CSMD3: variants seen among roughly 807,000 people sequenced by gnomAD.
The protein encoded by CSMD3 is CUB and Sushi multiple domains 3, also known as CUB and sushi domain-containing protein 3.
Under a neutral mutation model 435.2 loss-of-function variants are expected in CSMD3, and 177 were observed. The observed-to-expected ratio is 0.41, with a 90% CI of 0.36 to 0.46. The LOEUF (loss-of-function observed/expected upper bound fraction) is 0.46, where lower values mean the gene tolerates loss of function less well. Ranked by LOEUF, CSMD3 falls within the 20% of genes least tolerant of loss-of-function variation. The pLI, the probability that CSMD3 is intolerant of heterozygous loss-of-function variation, is 0.34. For synonymous variants in CSMD3, 1,656 were observed against 1,520.5 expected (o/e 1.09, Z -2.07); for missense variants, 4,265 against 4,504.6 (o/e 0.95, Z 1.52).
chr8:112,228,561 T>C (rs1448198989), intron 70 of CSMD3, among the ~76,000 whole-genome samples, 195 bp downstream of exon 70: 1 of 152,338 alleles, frequency 6.6e-6, no homozygotes, highest in Admixed American at 6.5e-5. Context: ...AACAGAGCAC[T>C]TTTGTTATGT....
chr8:113,376,113 T>G (rs2094380977), intron 1 of CSMD3, among the ~76,000 whole-genome samples: 1 of 152,180 alleles, frequency 6.6e-6, no homozygotes, highest in Admixed American at 6.5e-5. Flanking sequence ...ACTCAATGTC[T>G]TTCATGAATC....
chr8:113,174,693 T>C (rs2092321080), intron 3 of CSMD3, among the ~76,000 whole-genome samples: 1 of 151,864 alleles, frequency 6.6e-6, no homozygotes, highest in Non-Finnish European at 1.5e-5. Context: ...TTTTTGAAAA[T>C]AGCAGAACTT....
At chr8:112,258,445 C>A (rs1312557532) in intron 61 of CSMD3, among the ~76,000 whole-genome samples, 1 of 152,150 alleles carries the variant, frequency 6.6e-6, no homozygotes, top group East Asian at 1.9e-4. Context: ...AAAAAACCAA[C>A]CCCATCAAAA....
chr8:113,218,643 C>G (rs539765909), intron 3 of CSMD3, among the ~76,000 whole-genome samples: 1 of 151,184 alleles, frequency 6.6e-6, no homozygotes, highest in East Asian at 1.9e-4. Flanking sequence ...AATACATTTT[C>G]ACAATGAGAA....
At chr8:112,985,713 A>G (rs1169794224) in intron 6 of CSMD3, among the ~76,000 whole-genome samples, 1 of 152,118 alleles carries the variant, frequency 6.6e-6, no homozygotes, top group African/African-American at 2.4e-5. Flanking sequence ...TGGTGGCATT[A>G]GATTCTTATA....
chr8:113,281,276 C>A (rs1333187421), intron 2 of CSMD3, among the ~76,000 whole-genome samples: 2 of 151,528 alleles, frequency 1.3e-5, no homozygotes, highest in African/African-American at 4.8e-5. Context: ...GTTGAAGTCC[C>A]CCACTATTAT....
At chr8:112,373,606 C>T (rs2131195478) in intron 38 of CSMD3, among the ~76,000 whole-genome samples, 1 of 152,118 alleles carries the variant, frequency 6.6e-6, no homozygotes, top group South Asian at 2.1e-4. Context: ...TTTGAGGCAC[C>T]TTAAAATACA....
intron 32 of CSMD3, among the ~76,000 whole-genome samples, chr8:112,430,323 A>C (rs1333360379): frequency 6.6e-6 from 1 of 152,048 alleles, no homozygotes; most frequent in African/African-American, 2.4e-5. Context: ...AAACTTCCCC[A>C]TAACTCTTCC....
chr8:113,273,706 T>C (rs1418797198), intron 3 of CSMD3, among the ~76,000 whole-genome samples: 1 of 152,130 alleles, frequency 6.6e-6, no homozygotes, highest in Non-Finnish European at 1.5e-5. Context: ...CAATGAGTAT[T>C]TAAGAAATAT....
chr8:113,183,713 A>T (rs182359102), intron 3 of CSMD3, among the ~76,000 whole-genome samples: 80 of 152,030 alleles, frequency 5.3e-4, no homozygotes, highest in African/African-American at 1.7e-3. Flanking sequence ...TTTATATATA[A>T]TGTCTTACTT....
chr8:112,739,678 T>C (rs527564705), intron 13 of CSMD3, among the ~76,000 whole-genome samples: 128 of 151,910 alleles, frequency 8.4e-4, no homozygotes, highest in Non-Finnish European at 1.4e-3. Context: ...ACCATTACAG[T>C]TAGAGCACAC....
In CSMD3 at chr8:112,301,843, C is replaced by T; in HGVS notation, c.8390G>A (p.Arg2797Lys). The T allele has an allele frequency of 6.2e-7, 1 of 1,613,862 alleles. No individual in the cohort carries two copies. The highest frequency in any genetic ancestry group is 8.5e-7 in the Non-Finnish European group (1 of 1,179,888). ...LGFMLVGSAV[R>K]ECLSSGLWSE... ...CCAAAGACCTGAGGAAAGGCATTCC[C>T]TTACAGCAGAGCCCACAAGCATGAA... Residue 2797 changes from arginine to lysine, a missense_variant, in exon 53 of 71, where the codon AGG becomes AAG. Arg to Lys is a conservative substitution (Grantham distance 26). Transcript: ENST00000297405.
chr8:112,691,644 C>A (rs2076139980), intron 13 of CSMD3, among the ~76,000 whole-genome samples: 1 of 151,912 alleles, frequency 6.6e-6, no homozygotes, highest in Non-Finnish European at 1.5e-5. Flanking sequence ...TTTAATATCT[C>A]CTTTATAAAT....
intron 10 of CSMD3, among the ~76,000 whole-genome samples, chr8:112,909,366 T>C (rs1250708910): frequency 6.6e-6 from 1 of 151,622 alleles, no homozygotes; most frequent in Non-Finnish European, 1.5e-5. Context: ...GTCATAAATA[T>C]TGGCCTTAAC....
At chr8:113,259,686 A>T (rs150163430) in intron 3 of CSMD3, among the ~76,000 whole-genome samples, 13 of 152,264 alleles carry the variant, frequency 8.5e-5, no homozygotes, top group African/African-American at 2.2e-4. Flanking sequence ...GGAGAAAATT[A>T]AAAAATGGGG....
At chr8:113,297,868 T>A (rs1051573334) in intron 2 of CSMD3, among the ~76,000 whole-genome samples, 2 of 152,112 alleles carry the variant, frequency 1.3e-5, no homozygotes, top group Admixed American at 6.6e-5. Context: ...GACTGACACA[T>A]TTAGTTATTC....
intron 13 of CSMD3, among the ~76,000 whole-genome samples, chr8:112,794,887 ATT>A (rs1033274404): frequency 2.0e-5 from 3 of 152,180 alleles, no homozygotes; most frequent in African/African-American, 7.2e-5. Flanking sequence ...ATGTCCATAT[ATT>A]TGAAAATTAT....
intron 22 of CSMD3, among the ~76,000 whole-genome samples, chr8:112,612,629 A>T (rs1833345835): frequency 6.6e-6 from 1 of 151,988 alleles, no homozygotes; most frequent in South Asian, 2.1e-4. Flanking sequence ...TTTCTTAAAA[A>T]AGAAAAACAT....
chr8:113,363,544 T>G (rs1427407461), intron 1 of CSMD3, among the ~76,000 whole-genome samples: 5 of 152,304 alleles, frequency 3.3e-5, no homozygotes, highest in Non-Finnish European at 7.4e-5. Context: ...GAGGCTCTAG[T>G]GAAGGAGTTC....
Sources: gnomAD v4.1 joint callset for allele counts (sites outside exome capture counted in the v4.1 genomes callset) on GRCh38, gnomAD v4.1.1 for gene constraint, MANE v1.5 for transcripts, NCBI Gene and HGNC (gene_info 2026-07-23, HGNC 2026-07-21) for gene names.